ACOXL: variants seen among roughly 807,000 people sequenced by gnomAD.
ACOXL encodes acyl-CoA oxidase like.
Under a neutral mutation model 71.9 loss-of-function variants are expected in ACOXL, and 70 were observed. The ratio of observed to expected loss-of-function variants is 0.97; its 90% CI spans 0.80 to 1.19. ACOXL has a LOEUF of 1.19. ACOXL is among the 50% of genes most tolerant of loss of function. The pLI, the probability that ACOXL is intolerant of heterozygous loss-of-function variation, is 0.00. For missense variants in ACOXL, 703 were observed against 736.3 expected (o/e 0.95, Z 0.52); for synonymous variants, 253 against 281.6 (o/e 0.90, Z 1.02).
At chr2:111,090,832 C>T (rs1344281223) in intron 16 of ACOXL, among the ~76,000 whole-genome samples, 1 of 152,214 alleles carries the variant, frequency 6.6e-6, no homozygotes, top group Non-Finnish European at 1.5e-5. Flanking sequence ...CCATTTGCCT[C>T]TGTAGCTCTG....
At chr2:110,814,682 G>C (rs1045576094) in intron 9 of ACOXL, among the ~76,000 whole-genome samples, 21 of 152,170 alleles carry the variant, frequency 1.4e-4, no homozygotes, top group African/African-American at 5.1e-4. Context: ...GGGCTACGAA[G>C]TATTGTTCAC....
chr2:110,858,139 C>T (rs967229341), intron 10 of ACOXL, among the ~76,000 whole-genome samples: 12 of 152,060 alleles, frequency 7.9e-5, no homozygotes, highest in African/African-American at 2.7e-4. Context: ...ATATCTGTTT[C>T]GGGGACAAGA....
At chr2:110,807,759 T>C (rs2105383543) in intron 9 of ACOXL, among the ~76,000 whole-genome samples, 1 of 152,292 alleles carries the variant, frequency 6.6e-6, no homozygotes, top group East Asian at 1.9e-4. Context: ...CTTCCTCTCC[T>C]ATGGCTCAAA....
At chr2:111,071,693 A>G (rs1039283866) in intron 16 of ACOXL, among the ~76,000 whole-genome samples, 1 of 152,236 alleles carries the variant, frequency 6.6e-6, no homozygotes, top group Non-Finnish European at 1.5e-5. Context: ...CTGGAGGGCC[A>G]ACCCTTTTGC....
At chr2:110,843,456 T>A (rs1325232072) in intron 10 of ACOXL, among the ~76,000 whole-genome samples, 1 of 152,192 alleles carries the variant, frequency 6.6e-6, no homozygotes, top group Admixed American at 6.5e-5. Flanking sequence ...ACAAATAGTC[T>A]TTAAATTGCT....
chr2:110,834,727 G>A (rs1487484069), intron 9 of ACOXL, among the ~76,000 whole-genome samples: 4 of 152,254 alleles, frequency 2.6e-5, no homozygotes, highest in African/African-American at 9.6e-5. Flanking sequence ...TCTCTGGAGA[G>A]GAGGTTGAGA....
At chr2:110,943,687 T>C (rs1052380208) in intron 12 of ACOXL, among the ~76,000 whole-genome samples, 5 of 152,146 alleles carry the variant, frequency 3.3e-5, no homozygotes, top group African/African-American at 4.8e-5. Flanking sequence ...CTAAACTCCA[T>C]AGGGCTTAGT....
At position 110,805,366 on chromosome 2, in the gene ACOXL, G is replaced by A. The variant is rs527716900; in HGVS notation, c.724G>A (p.Val242Met). The change falls in exon 9 of 18, where the codon GTG becomes ATG. Residue 242 changes from valine (V) to methionine (M), a missense_variant. Val to Met is a conservative substitution (Grantham distance 21, BLOSUM62 1). Coordinates refer to ENST00000439055, the MANE Select transcript of ACOXL (RefSeq NM_001142807.4). ...LAALTPSRLAVAFQAMGAMKL... is the reference protein window; with the variant it reads ...LAALTPSRLAMAFQAMGAMKL... ...AGCACTGACCCCTTCGAGATTAGCT[G>A]TGGCTTTCCAAGCTATGGGTGCCAT... 3.0e-5 allele frequency: 48 copies of A among 1,614,222 alleles called. No individual in the cohort carries two copies. The Admixed American group carries it at 6.3e-4, about 21-fold the overall frequency.
At chr2:111,033,330 T>C (rs547225690) in intron 15 of ACOXL, among the ~76,000 whole-genome samples, 2 of 152,334 alleles carry the variant, frequency 1.3e-5, no homozygotes, top group East Asian at 1.9e-4. Context: ...CTTATCTTAA[T>C]TGAACTCAAA....
rs149601758 is a variant in ACOXL at position 110,941,213 on chromosome 2, C to T, written c.1059+7571C>T. Among the ~76,000 whole-genome samples the T allele has an allele frequency of 2.3e-4, 35 of 152,176 alleles. No individual in the cohort carries two copies. In the East Asian group the frequency reaches 5.8e-3, roughly 25 times the overall value. On this transcript the variant is annotated intron_variant, in intron 12 of 17. Transcript: ENST00000439055. ...GAACAGTGTACTAGGTACATGTTCC[C>T]GGGAAGCCAGGTAATTTGAGGGGCA...
intron 12 of ACOXL, among the ~76,000 whole-genome samples, chr2:110,983,047 A>G (rs927557363): frequency 6.6e-6 from 1 of 152,206 alleles, no homozygotes; most frequent in African/African-American, 2.4e-5. Flanking sequence ...TGCCACTTTG[A>G]GTCAATCTCC....
At chr2:111,086,214 A>C (rs867055000) in intron 16 of ACOXL, among the ~76,000 whole-genome samples, 2 of 152,356 alleles carry the variant, frequency 1.3e-5, no homozygotes, top group South Asian at 2.1e-4. Context: ...TCATTCTATG[A>C]GGCTGGCATC....
chr2:110,794,959 C>CAAAAAAAAAA (rs1685112686), intron 5 of ACOXL, among the ~76,000 whole-genome samples: 1 of 151,764 alleles, frequency 6.6e-6, no homozygotes. Context: ...CGCCCCTCAC[C>CAAAAAAAAAA]AAAAAAGAAA....
At chr2:110,828,108 C>CT (rs1271190603) in intron 9 of ACOXL, among the ~76,000 whole-genome samples, 2 of 152,106 alleles carry the variant, frequency 1.3e-5, no homozygotes, top group Non-Finnish European at 2.9e-5. Context: ...GTAGCTTGGA[C>CT]TACAGGCACA....
intron 9 of ACOXL, among the ~76,000 whole-genome samples, chr2:110,835,992 G>A (rs1690416310): frequency 6.6e-6 from 1 of 152,188 alleles, no homozygotes; most frequent in South Asian, 2.1e-4. Context: ...GGAAAGGTCG[G>A]GGTTTGGCCA....
chr2:110,997,280 A>G (rs1463000460), intron 14 of ACOXL, among the ~76,000 whole-genome samples: 1 of 152,240 alleles, frequency 6.6e-6, no homozygotes, highest in Admixed American at 6.5e-5. Context: ...CTGGGACAAA[A>G]GGAGCAGAAA....
At chr2:111,006,871 T>C (rs1456230726) in intron 14 of ACOXL, among the ~76,000 whole-genome samples, 2 of 152,164 alleles carry the variant, frequency 1.3e-5, no homozygotes, top group African/African-American at 4.8e-5. Flanking sequence ...CTTTCTCTCT[T>C]TTCTACTGCC....
intron 16 of ACOXL, among the ~76,000 whole-genome samples, chr2:111,056,783 GTCT>G (rs2066561863): frequency 9.8e-6 from 1 of 102,542 alleles, no homozygotes. Context: ...GCAAGACTCT[GTCT>G]CCAAAAAAAA....
intron 15 of ACOXL, among the ~76,000 whole-genome samples, chr2:111,044,990 C>T (rs1052747152): frequency 5.9e-5 from 9 of 152,170 alleles, no homozygotes; most frequent in African/African-American, 2.2e-4. Flanking sequence ...TCTTTTGTCA[C>T]ACAAAGGTGG....
Sources: gnomAD v4.1 joint callset for allele counts (sites outside exome capture counted in the v4.1 genomes callset) on GRCh38, gnomAD v4.1.1 for gene constraint, MANE v1.5 for transcripts, NCBI Gene and HGNC (gene_info 2026-07-23, HGNC 2026-07-21) for gene names.